GPC5: variants seen among roughly 807,000 people sequenced by gnomAD.
GPC5 encodes the protein glypican-5.
A neutral mutation model predicts 53.9 loss-of-function variants in GPC5; 47 were observed. The ratio of observed to expected loss-of-function variants is 0.87; its 90% CI spans 0.69 to 1.11. GPC5 has a LOEUF of 1.11. Among genes scored for constraint, GPC5 ranks in the 50% most tolerant of loss-of-function variants. The pLI, the probability that GPC5 is intolerant of heterozygous loss-of-function variation, is 0.00. For synonymous variants in GPC5, 286 were observed against 263.3 expected, an observed-to-expected ratio of 1.09 and a Z score of -0.84; for missense variants, 748 against 713.1, an observed-to-expected ratio of 1.05 and a Z score of -0.56.
chr13:92,150,106 A>G (rs1173528632), intron 7 of GPC5, among the ~76,000 whole-genome samples: 1 of 151,866 alleles, frequency 6.6e-6, no homozygotes, highest in Non-Finnish European at 1.5e-5. Flanking sequence ...GAAAATAACT[A>G]TTTTTTCAAT....
At chr13:92,538,994 A>G (rs1183568260) in intron 7 of GPC5, among the ~76,000 whole-genome samples, 2 of 129,806 alleles carry the variant, frequency 1.5e-5, no homozygotes, top group Non-Finnish European at 3.2e-5. Flanking sequence ...TACCATATAT[A>G]TATACTTTAT....
At chr13:92,828,715 G>A (rs1418609806) in intron 7 of GPC5, among the ~76,000 whole-genome samples, 1 of 152,076 alleles carries the variant, frequency 6.6e-6, no homozygotes, top group Non-Finnish European at 1.5e-5. Flanking sequence ...ACAGGGTTCT[G>A]CTGGTACCTT....
chr13:92,713,428 T>TAAAAAAAAAAA (rs556939674), intron 7 of GPC5, among the ~76,000 whole-genome samples: 2 of 116,430 alleles, frequency 1.7e-5, no homozygotes, highest in Non-Finnish European at 1.8e-5. Context: ...CCGGCTCTAC[T>TAAAAAAAAAAA]AAAAAAAAAA....
intron 6 of GPC5, among the ~76,000 whole-genome samples, chr13:92,006,642 C>T (rs1038487485): frequency 6.6e-6 from 1 of 152,076 alleles, no homozygotes. Context: ...TAAGTTACTT[C>T]CAAAGAGAAC....
rs137901936 is a variant in GPC5, at chr13:92,019,328, A to G, written c.1401+111271A>G. Among the ~76,000 whole-genome samples, 25 of 152,188 alleles carry G rather than the reference A, an allele frequency of 1.6e-4. No homozygotes were observed. The East Asian group carries it at 4.4e-3, about 27-fold the overall frequency. ...TTATCTGTCTATAAATAAGTTCCAG[A>G]AATATTGGTCTTTAATATAGAAGAC... is the stretch of plus-strand genomic sequence containing the variant. On this transcript the variant is annotated intron_variant, in intron 6 of 7. Coordinates refer to ENST00000377067, the MANE Select transcript of GPC5 (RefSeq NM_004466.6).
At chr13:92,548,821 T>G (rs1882213108) in intron 7 of GPC5, among the ~76,000 whole-genome samples, 1 of 152,146 alleles carries the variant, frequency 6.6e-6, no homozygotes, top group Non-Finnish European at 1.5e-5. Flanking sequence ...GGAAACCCAT[T>G]TCCCAAGATG....
At chr13:91,520,990 A>G (rs1885781786) in intron 2 of GPC5, among the ~76,000 whole-genome samples, 1 of 152,124 alleles carries the variant, frequency 6.6e-6, no homozygotes, top group South Asian at 2.1e-4. Flanking sequence ...TTAAATTCTC[A>G]TAGTTACATT....
intron 5 of GPC5, among the ~76,000 whole-genome samples, chr13:91,862,239 T>C (rs755700445): frequency 6.6e-6 from 1 of 152,304 alleles, no homozygotes; most frequent in South Asian, 2.1e-4. Flanking sequence ...ACCCATTTAA[T>C]TTTTCTGAAA....
chr13:92,559,330 ATGTG>A (rs5805755), intron 7 of GPC5, among the ~76,000 whole-genome samples: 14,424 of 142,448 alleles, frequency 0.1, 1,893 homozygotes, highest in African/African-American at 0.31. Flanking sequence ...TAGTGTGTAT[ATGTG>A]TGTGTGTGTG....
chr13:92,415,073 T>C (rs2139354481), intron 7 of GPC5, among the ~76,000 whole-genome samples: 1 of 152,190 alleles, frequency 6.6e-6, no homozygotes, highest in African/African-American at 2.4e-5. Flanking sequence ...TTCAAATAAC[T>C]GAAGGGAATG....
At chr13:92,169,192 G>A (rs73622738) in intron 7 of GPC5, among the ~76,000 whole-genome samples, 5,357 of 152,198 alleles carry the variant, frequency 0.035, 118 homozygotes, top group African/African-American at 0.049. Flanking sequence ...GTGGGGTGGC[G>A]GGAAGGGAGA....
rs542871783 is a variant in GPC5 at position 91,634,666 on chromosome 13, CT to C, written c.326-58518del. Among the ~76,000 whole-genome samples, 76 of 151,960 alleles carry C rather than the reference CT, an allele frequency of 5.0e-4. No individual in the cohort carries two copies. The Middle Eastern group carries it at 0.017, about 34-fold the overall frequency. ...TATTTCACTTGATAAATACTGATGT[CT>C]TTCTGTGTTTCTACTGGAGCTTGAA... On this transcript the variant is annotated intron_variant, in intron 2 of 7. Coordinates refer to ENST00000377067, the MANE Select transcript of GPC5 (RefSeq NM_004466.6).
chr13:91,461,344 G>A (rs1881917367), intron 2 of GPC5, among the ~76,000 whole-genome samples: 1 of 152,086 alleles, frequency 6.6e-6, no homozygotes, highest in South Asian at 2.1e-4. Context: ...TCTTTGGTGT[G>A]GGAAACTGAT....
chr13:91,588,815 C>T (rs915215178), intron 2 of GPC5, among the ~76,000 whole-genome samples: 3 of 152,012 alleles, frequency 2.0e-5, no homozygotes, highest in African/African-American at 7.3e-5. Flanking sequence ...ACTTTCTTTC[C>T]AGCCTATAAA....
At chr13:92,805,790 G>T (rs1406623224) in intron 7 of GPC5, among the ~76,000 whole-genome samples, 4 of 151,884 alleles carry the variant, frequency 2.6e-5, no homozygotes, top group Non-Finnish European at 5.9e-5. Flanking sequence ...AAAATATTCA[G>T]CAAATCATAC....
chr13:92,651,112 T>A (rs1885943496), intron 7 of GPC5, among the ~76,000 whole-genome samples: 1 of 152,098 alleles, frequency 6.6e-6, no homozygotes, highest in Non-Finnish European at 1.5e-5. Flanking sequence ...CAGTATTCCA[T>A]GGGAATACTA....
chr13:92,672,269 T>A (rs571819414), intron 7 of GPC5, among the ~76,000 whole-genome samples: 2 of 152,296 alleles, frequency 1.3e-5, no homozygotes, highest in Non-Finnish European at 2.9e-5. Context: ...TTCACAAGAT[T>A]GCAAAATTTT....
intron 7 of GPC5, among the ~76,000 whole-genome samples, chr13:92,555,899 G>A (rs1289965481): frequency 1.3e-5 from 2 of 151,414 alleles, no homozygotes; most frequent in South Asian, 4.1e-4. Context: ...AAGAAGGAGA[G>A]TATTAACTCT....
At chr13:92,341,964 C>T (rs79976025) in intron 7 of GPC5, among the ~76,000 whole-genome samples, 7,854 of 152,110 alleles carry the variant, frequency 0.052, 242 homozygotes, top group African/African-American at 0.093. Context: ...TGTTTTGTTA[C>T]GTAGGACATA....
Sources: allele counts gnomAD v4.1 joint callset (sites outside exome capture counted in the v4.1 genomes callset), GRCh38; gene constraint gnomAD v4.1.1; transcripts MANE v1.5; gene names NCBI Gene and HGNC (gene_info 2026-07-23, HGNC 2026-07-21).